Variants in CHCHD6 observed in about 807,000 individuals in gnomAD.
CHCHD6 encodes MICOS complex subunit MIC25.
Under a neutral mutation model 32.3 loss-of-function variants are expected in CHCHD6, and 28 were observed. The observed-to-expected ratio is 0.87, with a 90% CI of 0.64 to 1.19. The LOEUF (loss-of-function observed/expected upper bound fraction) is 1.19, where lower values mean the gene tolerates loss of function less well. Ranked by LOEUF, CHCHD6 falls within the 50% of genes most tolerant of loss-of-function variation. The pLI is 0.00. For synonymous variants in CHCHD6, 122 were observed against 117.5 expected, an observed-to-expected ratio of 1.04 and a Z score of -0.25; for missense variants, 333 against 307.0, an observed-to-expected ratio of 1.08 and a Z score of -0.63.
intron 6 of CHCHD6, among the ~76,000 whole-genome samples, chr3:126,943,322 G>T (rs991507325): frequency 1.3e-5 from 2 of 152,198 alleles, no homozygotes; most frequent in African/African-American, 4.8e-5. Context: ...CGTGACTTCA[G>T]GTTGATGGAA....
At chr3:126,799,733 G>A (rs1938975396) in intron 4 of CHCHD6, among the ~76,000 whole-genome samples, 1 of 152,100 alleles carries the variant, frequency 6.6e-6, no homozygotes, top group Admixed American at 6.5e-5. Context: ...CTGGGTTGGG[G>A]TTAGGTGAGA....
At chr3:126,869,288 C>CTTTTT (rs58408227) in intron 5 of CHCHD6, among the ~76,000 whole-genome samples, 53 of 108,642 alleles carry the variant, frequency 4.9e-4, no homozygotes, top group African/African-American at 8.8e-4. Context: ...CACCAGTCTC[C>CTTTTT]TTTTTTTTTT....
chr3:126,903,030 T>G (rs2077952767), intron 5 of CHCHD6, among the ~76,000 whole-genome samples: 1 of 152,162 alleles, frequency 6.6e-6, no homozygotes, highest in Non-Finnish European at 1.5e-5. Context: ...GGCATGCTTG[T>G]AAGCTGCCTG....
chr3:126,887,239 C>T (rs548942482), intron 5 of CHCHD6, among the ~76,000 whole-genome samples: 1 of 152,042 alleles, frequency 6.6e-6, no homozygotes, highest in East Asian at 1.9e-4. Flanking sequence ...GCTACTTACT[C>T]TTGCTGAGCA....
rs1472910000 is a variant in CHCHD6 at position 126,941,119 on chromosome 3, C to T, written c.567-16297C>T. 4.6e-5 allele frequency among the ~76,000 whole-genome samples: 7 copies of T among 152,278 alleles called. No individual in the cohort carries two copies. The East Asian group carries it at 1.2e-3, about 25-fold the overall frequency. ...CAGTGAAGGTCTATAATCGTATGCACCCATATTTTTAGGACAAGTACTTCT... is the reference window on the plus strand; with the variant it reads ...CAGTGAAGGTCTATAATCGTATGCATCCATATTTTTAGGACAAGTACTTCT... On this transcript the variant is annotated intron_variant, in intron 6 of 7. Transcript: ENST00000290913.
At chr3:126,832,692 T>C (rs973923738) in intron 4 of CHCHD6, among the ~76,000 whole-genome samples, 4 of 152,192 alleles carry the variant, frequency 2.6e-5, no homozygotes, top group African/African-American at 9.6e-5. Context: ...CATGTGTCAT[T>C]GTGCTTTACT....
intron 5 of CHCHD6, among the ~76,000 whole-genome samples, chr3:126,861,091 C>T (rs1204195168): frequency 6.6e-6 from 1 of 152,134 alleles, no homozygotes; most frequent in African/African-American, 2.4e-5. Context: ...GTTGCATTTC[C>T]GTTTATGTAA....
chr3:126,839,635 C>T (rs2107546083), intron 4 of CHCHD6, among the ~76,000 whole-genome samples: 1 of 152,258 alleles, frequency 6.6e-6, no homozygotes, highest in East Asian at 1.9e-4. Context: ...CCCCTCACCC[C>T]ACAACCCAGC....
At chr3:126,810,656 A>G (rs1939617098) in intron 4 of CHCHD6, among the ~76,000 whole-genome samples, 1 of 152,216 alleles carries the variant, frequency 6.6e-6, no homozygotes, top group Non-Finnish European at 1.5e-5. Flanking sequence ...GTTGTGACAA[A>G]GGCACTACAA....
chr3:126,720,126 C>T (rs145903234), intron 1 of CHCHD6, among the ~76,000 whole-genome samples: 2,368 of 152,294 alleles, frequency 0.016, 54 homozygotes, highest in African/African-American at 0.051. Context: ...AGGTGATCCA[C>T]CTGCCTCGGC....
intron 5 of CHCHD6, among the ~76,000 whole-genome samples, chr3:126,855,966 T>C (rs1210623387): frequency 2.0e-5 from 3 of 152,158 alleles, no homozygotes; most frequent in African/African-American, 7.2e-5. Context: ...GTAGTTTCCA[T>C]AGCATTTTCA....
intron 6 of CHCHD6, among the ~76,000 whole-genome samples, chr3:126,936,385 A>G (rs897627662): frequency 9.2e-5 from 14 of 152,202 alleles, no homozygotes; most frequent in Non-Finnish European, 2.1e-4. Flanking sequence ...CTGGCCACAT[A>G]TGGCTATTGA....
At chr3:126,793,154 T>TA (rs1307989046) in intron 4 of CHCHD6, among the ~76,000 whole-genome samples, 1 of 152,164 alleles carries the variant, frequency 6.6e-6, no homozygotes, top group Non-Finnish European at 1.5e-5. Flanking sequence ...GGGTCTTTTT[T>TA]AAAAAGTCCA....
chr3:126,798,595 G>T (rs1195309195), intron 4 of CHCHD6, among the ~76,000 whole-genome samples: 1 of 85,886 alleles, frequency 1.2e-5, no homozygotes, highest in Non-Finnish European at 2.2e-5. Flanking sequence ...TTACTAGCAG[G>T]GTGCCCCCGC....
intron 4 of CHCHD6, among the ~76,000 whole-genome samples, chr3:126,747,026 T>C (rs879664582): frequency 1.2e-4 from 19 of 152,238 alleles, no homozygotes; most frequent in Non-Finnish European, 2.6e-4. Flanking sequence ...CTGAGTTGTC[T>C]GGCCCTGGGT....
intron 4 of CHCHD6, among the ~76,000 whole-genome samples, chr3:126,845,871 G>A (rs190553398): frequency 8.3e-4 from 126 of 152,170 alleles, no homozygotes; most frequent in Non-Finnish European, 1.6e-3. Flanking sequence ...TAAAAGCAAT[G>A]AAAAAACTGG....
At chr3:126,773,646 G>A (rs7617811) in intron 4 of CHCHD6, among the ~76,000 whole-genome samples, 8 of 138,814 alleles carry the variant, frequency 5.8e-5, no homozygotes, top group Admixed American at 7.7e-5. Flanking sequence ...CGTCAGAGTC[G>A]CCTAGGCGAA....
At chr3:126,905,691 TC>T (rs775529434) in intron 5 of CHCHD6, among the ~76,000 whole-genome samples, 27 of 152,170 alleles carry the variant, frequency 1.8e-4, no homozygotes, top group Admixed American at 7.9e-4. Context: ...CTTGTGTTTG[TC>T]CACTCATAAG....
chr3:126,791,558 A>T (rs1213311506), intron 4 of CHCHD6, among the ~76,000 whole-genome samples: 2 of 152,294 alleles, frequency 1.3e-5, no homozygotes, highest in East Asian at 3.9e-4. Context: ...GCTTCCTTGC[A>T]GTTGGATCTC....
Sources: gnomAD v4.1 joint callset for allele counts (sites outside exome capture counted in the v4.1 genomes callset) on GRCh38, gnomAD v4.1.1 for gene constraint, MANE v1.5 for transcripts, NCBI Gene and HGNC (gene_info 2026-07-23, HGNC 2026-07-21) for gene names.